The following PTPRT variants were observed in gnomAD, a reference collection of about 807,000 sequenced individuals.
PTPRT encodes the protein protein tyrosine phosphatase receptor type T, also known as receptor-type tyrosine-protein phosphatase T.
A neutral mutation model predicts 176.8 loss-of-function variants in PTPRT; 56 were observed. The observed-to-expected ratio is 0.32, with a 90% CI of 0.26 to 0.40. The LOEUF (loss-of-function observed/expected upper bound fraction) is 0.40. Ranked by LOEUF, PTPRT falls within the 10% of genes least tolerant of loss-of-function variation. The probability of loss-of-function intolerance (pLI) is 1.00; values close to 1 mark genes in which losing one functional copy is unlikely to be tolerated. For synonymous variants in PTPRT, 783 were observed against 739.0 expected (o/e 1.06, Z -0.96); for missense variants, 1,540 against 1,908.2 (o/e 0.81, Z 3.60).
At chr20:42,633,690 GC>G (rs1282451760) in intron 7 of PTPRT, among the ~76,000 whole-genome samples, 1 of 142,254 alleles carries the variant, frequency 7.0e-6, no homozygotes, top group African/African-American at 2.7e-5. Context: ...GGTGGCTGAG[GC>G]ACGAGAATTG....
At chr20:42,612,686 G>C (rs938503917) in intron 7 of PTPRT, among the ~76,000 whole-genome samples, 6 of 151,862 alleles carry the variant, frequency 4.0e-5, no homozygotes, top group Non-Finnish European at 8.8e-5. Flanking sequence ...ACATGCAACA[G>C]ATTATCATGC....
chr20:42,661,794 C>T (rs2075227621), intron 7 of PTPRT, among the ~76,000 whole-genome samples: 1 of 152,194 alleles, frequency 6.6e-6, no homozygotes, highest in African/African-American at 2.4e-5. Context: ...TTAGAAACAA[C>T]TGACACTCTG....
chr20:42,395,390 C>A (rs1004572281), intron 9 of PTPRT, among the ~76,000 whole-genome samples: 1 of 152,162 alleles, frequency 6.6e-6, no homozygotes, highest in Non-Finnish European at 1.5e-5. Context: ...GTGAGTGAGA[C>A]CCCCTGTGCT....
intron 13 of PTPRT, among the ~76,000 whole-genome samples, chr20:42,263,052 T>A (rs1054336509): frequency 6.6e-6 from 1 of 152,114 alleles, no homozygotes; most frequent in Non-Finnish European, 1.5e-5. Flanking sequence ...ACCACTCACA[T>A]GATCAGTTTG....
intron 2 of PTPRT, among the ~76,000 whole-genome samples, chr20:42,871,946 T>A (rs1040538363): frequency 3.9e-5 from 6 of 152,350 alleles, no homozygotes; most frequent in Middle Eastern, 3.4e-3. Flanking sequence ...TTGGAAGCTA[T>A]AGGTCTTATT....
intron 12 of PTPRT, among the ~76,000 whole-genome samples, chr20:42,303,095 C>A (rs543443712): frequency 3.3e-5 from 5 of 152,182 alleles, no homozygotes; most frequent in African/African-American, 4.8e-5. Flanking sequence ...CTATTAGGAG[C>A]TGGCAACCCC....
chr20:42,196,936 T>C (rs1991240432), intron 16 of PTPRT, among the ~76,000 whole-genome samples: 3 of 152,214 alleles, frequency 2.0e-5, no homozygotes, highest in African/African-American at 7.2e-5. Context: ...AGCGGTATGA[T>C]ATGTCCATTA....
At chr20:42,467,033 C>T (rs1452811579) in intron 8 of PTPRT, among the ~76,000 whole-genome samples, 1 of 151,970 alleles carries the variant, frequency 6.6e-6, no homozygotes, top group Non-Finnish European at 1.5e-5. Flanking sequence ...TACACGGAGT[C>T]AAAAATGATC....
intron 19 of PTPRT, among the ~76,000 whole-genome samples, chr20:42,124,019 A>G (rs1461954037): frequency 1.3e-5 from 2 of 152,104 alleles, no homozygotes; most frequent in Non-Finnish European, 2.9e-5. Context: ...ATTCATATTG[A>G]CTGAATGTAC....
chr20:42,489,009 TG>T (rs2071512906), intron 7 of PTPRT, among the ~76,000 whole-genome samples: 1 of 1,174 alleles, frequency 8.5e-4, no homozygotes, highest in Non-Finnish European at 1.5e-3. Context: ...CAACCAAGTT[TG>T]TGTGTGTGTG....
chr20:42,212,244 A>G (rs1157478917), intron 15 of PTPRT, among the ~76,000 whole-genome samples: 3 of 148,570 alleles, frequency 2.0e-5, no homozygotes, highest in Non-Finnish European at 3.0e-5. Context: ...ACATGTATAC[A>G]TATGTAACAT....
chr20:42,124,589 G>A (rs1987759329), intron 19 of PTPRT, among the ~76,000 whole-genome samples: 1 of 152,220 alleles, frequency 6.6e-6, no homozygotes, highest in Non-Finnish European at 1.5e-5. Flanking sequence ...AGATCCAATT[G>A]TAGAGAAATG....
chr20:43,025,460 T>C (rs953239202), intron 1 of PTPRT, among the ~76,000 whole-genome samples: 1 of 152,160 alleles, frequency 6.6e-6, no homozygotes, highest in Non-Finnish European at 1.5e-5. Flanking sequence ...CACTTATAAA[T>C]GGAAGGACCC....
At chr20:42,245,312 T>G (rs1438949542) in intron 14 of PTPRT, among the ~76,000 whole-genome samples, 1 of 152,156 alleles carries the variant, frequency 6.6e-6, no homozygotes. Context: ...CAATCCTAAT[T>G]CCATATGGTT....
the PTPRT span, among the ~76,000 whole-genome samples, chr20:42,034,380 AAGGGAGAG>A: frequency 1.3e-5 from 2 of 152,224 alleles, no homozygotes; most frequent in East Asian, 1.9e-4. Context: ...GTCAGAGTGA[AAGGGAGAG>A]AGGGAGAGAG....
chr20:42,521,194 T>C (rs2072169464), intron 7 of PTPRT, among the ~76,000 whole-genome samples: 1 of 152,136 alleles, frequency 6.6e-6, no homozygotes, highest in African/African-American at 2.4e-5. Flanking sequence ...TCATTCATGC[T>C]TTACCAAGAT....
At chr20:42,838,309 C>A (rs756804110) in intron 2 of PTPRT, among the ~76,000 whole-genome samples, 5 of 152,178 alleles carry the variant, frequency 3.3e-5, no homozygotes, top group African/African-American at 4.8e-5. Context: ...TGAGTCACTG[C>A]GCTCAGCCCA....
At chr20:42,818,476 C>G (rs933329202) in intron 2 of PTPRT, among the ~76,000 whole-genome samples, 1 of 152,126 alleles carries the variant, frequency 6.6e-6, no homozygotes, top group Non-Finnish European at 1.5e-5. Context: ...GCCAGAGTGC[C>G]TTTCCTCCTC....
At chr20:42,477,271 T>C (rs1179542261) in intron 7 of PTPRT, among the ~76,000 whole-genome samples, 1 of 152,184 alleles carries the variant, frequency 6.6e-6, no homozygotes, top group African/African-American at 2.4e-5. Context: ...GGGCAGTTCC[T>C]GTGAGATGAA....
Sources: gnomAD v4.1 joint callset for allele counts (sites outside exome capture counted in the v4.1 genomes callset) on GRCh38, gnomAD v4.1.1 for gene constraint, MANE v1.5 for transcripts, NCBI Gene and HGNC (gene_info 2026-07-23, HGNC 2026-07-21) for gene names.